Variants in IL1R1 observed in about 807,000 individuals in gnomAD.
IL1R1 encodes the protein interleukin-1 receptor type 1.
IL1R1 carries 22 observed loss-of-function variants against 50.2 expected under a neutral mutation model. The observed-to-expected ratio is 0.44, with a 90% CI of 0.31 to 0.63. IL1R1 has a LOEUF of 0.63. Ranked by LOEUF, IL1R1 falls within the 20% of genes least tolerant of loss-of-function variation. The probability of loss-of-function intolerance (pLI) is 0.07; values close to 1 mark genes in which losing one functional copy is unlikely to be tolerated. For missense variants in IL1R1, 509 were observed against 676.2 expected, an observed-to-expected ratio of 0.75 and a Z score of 2.74; for synonymous variants, 251 against 236.7, an observed-to-expected ratio of 1.06 and a Z score of -0.55.
intron 1 of IL1R1, among the ~76,000 whole-genome samples, chr2:102,117,870 G>A (rs535937708): frequency 1.2e-4 from 18 of 151,948 alleles, no homozygotes; most frequent in Admixed American, 2.6e-4. Flanking sequence ...GGAGTTTTCC[G>A]TCAAAATCAG....
At chr2:102,150,600 A>G (rs1683565147) in intron 1 of IL1R1, among the ~76,000 whole-genome samples, 1 of 152,208 alleles carries the variant, frequency 6.6e-6, no homozygotes, top group Admixed American at 6.5e-5. Flanking sequence ...ATCACCAAAC[A>G]GCGATGGGGG....
chr2:102,142,570 G>A (rs1211993622), upstream of IL1R1: 1 of 152,050 alleles, frequency 6.6e-6, no homozygotes, highest in Non-Finnish European at 1.5e-5. Flanking sequence ...ACCCCTGCGG[G>A]CTACCCGGGG....
intron 1 of IL1R1, among the ~76,000 whole-genome samples, chr2:102,084,517 T>C (rs184268698): frequency 1.4e-4 from 21 of 152,332 alleles, no homozygotes; most frequent in African/African-American, 4.8e-4. Flanking sequence ...TATGGATCTT[T>C]TCAAACTTTT....
intron 1 of IL1R1, among the ~76,000 whole-genome samples, chr2:102,075,596 CCCCATTGCAT>C (rs1379997215): frequency 1.3e-5 from 2 of 152,140 alleles, no homozygotes; most frequent in Non-Finnish European, 2.9e-5. Flanking sequence ...GATCTCAGAA[CCCCATTGCAT>C]ATATTGCATG....
At chr2:102,090,776 A>G (rs1490811404) in intron 1 of IL1R1, among the ~76,000 whole-genome samples, 1 of 151,820 alleles carries the variant, frequency 6.6e-6, no homozygotes, top group Non-Finnish European at 1.5e-5. Flanking sequence ...GCTAACTATA[A>G]TTTCTTGATT....
chr2:102,168,301 A>G (rs966516437), intron 6 of IL1R1, among the ~76,000 whole-genome samples: 1 of 152,152 alleles, frequency 6.6e-6, no homozygotes, highest in South Asian at 2.1e-4. Flanking sequence ...ACATGCTTTC[A>G]CTTAAGAGAG....
At chr2:102,144,309 G>A (rs1682926054) in intron 1 of IL1R1, among the ~76,000 whole-genome samples, 1 of 152,186 alleles carries the variant, frequency 6.6e-6, no homozygotes, top group African/African-American at 2.4e-5. Context: ...AAGCTGCTGT[G>A]TGTGAAGCGT....
chr2:102,152,622 C>T (rs1683788480), intron 1 of IL1R1, among the ~76,000 whole-genome samples: 2 of 151,688 alleles, frequency 1.3e-5, no homozygotes, highest in Non-Finnish European at 2.9e-5. Flanking sequence ...CCCCCTCCCC[C>T]TCTCCCATTC....
rs530074063 is a variant in IL1R1 at position 102,114,383 on chromosome 2, C to T, written c.-84+9511C>T. Among the ~76,000 whole-genome samples the T allele has an allele frequency of 1.6e-4, 24 of 152,270 alleles. 2 individuals are homozygous for T. The highest frequency in any genetic ancestry group is 5.9e-4 in the Admixed American group (9 of 15,298). ...GCTAAAGAATCTGTAAAACCACATG[C>T]GAAGGTTCACAGGGGTTCTTTCCTG... is the stretch of plus-strand genomic sequence containing the variant. On this transcript the variant is annotated intron_variant, in intron 1 of 10. Coordinates refer to the IL1R1 transcript ENST00000409329.
At chr2:102,085,821 T>G (rs1679407537) in intron 1 of IL1R1, among the ~76,000 whole-genome samples, 1 of 152,176 alleles carries the variant, frequency 6.6e-6, no homozygotes, top group African/African-American at 2.4e-5. Context: ...CAACATCAAA[T>G]CTTTCAATTA....
chr2:102,098,750 T>A (rs925839801), intron 1 of IL1R1, among the ~76,000 whole-genome samples: 1 of 152,206 alleles, frequency 6.6e-6, no homozygotes, highest in East Asian at 1.9e-4. Flanking sequence ...GGTGGCAAGA[T>A]CATGAATTAA....
intron 1 of IL1R1, among the ~76,000 whole-genome samples, chr2:102,121,959 A>T (rs964281707): frequency 6.6e-6 from 1 of 152,174 alleles, no homozygotes; most frequent in African/African-American, 2.4e-5. Flanking sequence ...CTCCTTTAAA[A>T]ATGTGAAGCT....
At chr2:102,162,537 C>A (rs1394213673) in intron 3 of IL1R1, among the ~76,000 whole-genome samples, 1 of 147,520 alleles carries the variant, frequency 6.8e-6, no homozygotes, top group Non-Finnish European at 1.5e-5. Context: ...TTTTATTTTG[C>A]TTTTTGGCTT....
At chr2:102,126,876 C>T (rs553738750) in intron 1 of IL1R1, among the ~76,000 whole-genome samples, 1 of 152,350 alleles carries the variant, frequency 6.6e-6, no homozygotes, top group African/African-American at 2.4e-5. Context: ...TCTGACATAT[C>T]TTGGGCCAGT....
In IL1R1 at chr2:102,152,738, G is replaced by A. The variant is rs371700984; in HGVS notation, c.-83-1203G>A. On this transcript the variant is annotated intron_variant, in intron 1 of 11. Transcript: ENST00000410023. ...AGGGCACTGTCCTAGGACTGGGAGC[G>A]GGAGGATGTGGGGGTCTCCCCTTTG... Among the ~76,000 whole-genome samples the A allele has an allele frequency of 1.1e-4, 17 of 152,112 alleles. No homozygotes were observed. In the East Asian group the frequency reaches 1.2e-3, roughly 10 times the overall value.
chr2:102,162,697 C>T (rs1684837839), intron 3 of IL1R1, among the ~76,000 whole-genome samples: 1 of 151,742 alleles, frequency 6.6e-6, no homozygotes, highest in Non-Finnish European at 1.5e-5. Context: ...ACCCATTTCT[C>T]CTTTCTTGAA....
upstream of IL1R1, among the ~76,000 whole-genome samples, chr2:102,139,889 A>AT (rs200099772): frequency 1.3e-5 from 2 of 152,162 alleles, no homozygotes; most frequent in South Asian, 2.1e-4. Flanking sequence ...AGTTTCAGGT[A>AT]TTTTTTTATA....
rs1298978652 is a variant in IL1R1, at chr2:102,075,637, G to T, written c.-84+5104G>T. On this transcript the variant is annotated intron_variant, in intron 1 of 11. Transcript: ENST00000409929. ...GCATGCAACTGGTTTGCAAGTTTTTGGTACACACCCACCCCACACATACCT... is the reference window on the plus strand; with the variant it reads ...GCATGCAACTGGTTTGCAAGTTTTTTGTACACACCCACCCCACACATACCT... Among the ~76,000 whole-genome samples, 5 of 152,056 alleles carry T rather than the reference G, an allele frequency of 3.3e-5. No homozygotes were observed. In the East Asian group the frequency reaches 7.7e-4, roughly 23 times the overall value.
chr2:102,120,866 G>T (rs961880636), intron 1 of IL1R1, among the ~76,000 whole-genome samples: 1 of 152,188 alleles, frequency 6.6e-6, no homozygotes, highest in Non-Finnish European at 1.5e-5. Context: ...TAAAAAATTG[G>T]TTTAATGATC....
Sources: allele counts gnomAD v4.1 joint callset (sites outside exome capture counted in the v4.1 genomes callset), GRCh38; gene constraint gnomAD v4.1.1; transcripts MANE v1.5; gene names NCBI Gene and HGNC (gene_info 2026-07-23, HGNC 2026-07-21).